Variants in COL5A2 observed in about 807,000 individuals in gnomAD.
The protein encoded by COL5A2 is collagen alpha-2(V) chain.
COL5A2 carries 23 observed loss-of-function variants against 208.2 expected under a neutral mutation model. The ratio of observed to expected loss-of-function variants is 0.11; its 90% confidence interval spans 0.08 to 0.16. The LOEUF (loss-of-function observed/expected upper bound fraction) is 0.16. Among genes scored for constraint, COL5A2 ranks in the 10% least tolerant of loss-of-function variants. The pLI is 1.00. For missense variants in COL5A2, 1,590 were observed against 1,956.4 expected (o/e 0.81, Z 3.53); for synonymous variants, 625 against 628.5 (o/e 0.99, Z 0.08).
the COL5A2 span, among the ~76,000 whole-genome samples, chr2:189,411,694 C>A: frequency 2.6e-5 from 4 of 152,050 alleles, no homozygotes; most frequent in Admixed American, 2.6e-4. Flanking sequence ...AATAGAAGTT[C>A]TGAGTTATTA....
At chr2:189,346,041 A>G in the COL5A2 span, among the ~76,000 whole-genome samples, 20 of 152,346 alleles carry the variant, frequency 1.3e-4, no homozygotes, top group Admixed American at 3.9e-4. Flanking sequence ...TCAGCATAGT[A>G]CATTAATATA....
At chr2:189,418,578 G>A in the COL5A2 span, among the ~76,000 whole-genome samples, 16 of 152,162 alleles carry the variant, frequency 1.1e-4, no homozygotes, top group East Asian at 1.2e-3. Context: ...ACATGGACAC[G>A]AAGTCCATTT....
chr2:189,051,305 A>G lies in COL5A2; in HGVS notation c.2931+15T>C, dbSNP rs1685781373. 6.2e-7 allele frequency: 1 copy of G among 1,614,016 alleles called. No homozygotes were observed. The highest frequency in any genetic ancestry group is 8.5e-7 in the Non-Finnish European group (1 of 1,179,952). ...CTCAGTTGAAGGTGGTCTGGAACGG[A>G]TACGCCAAACTTACAGGTTGCCCAT... is the stretch of plus-strand genomic sequence containing the variant. On this transcript the variant is annotated intron_variant, in intron 42 of 53. Transcript: ENST00000374866.
At chr2:189,376,025 A>G in the COL5A2 span, among the ~76,000 whole-genome samples, 1 of 152,250 alleles carries the variant, frequency 6.6e-6, no homozygotes, top group Non-Finnish European at 1.5e-5. Flanking sequence ...ATGTTAATGT[A>G]GCTTTTCCAC....
chr2:189,261,923 A>G, the COL5A2 span, among the ~76,000 whole-genome samples: 1 of 152,156 alleles, frequency 6.6e-6, no homozygotes, highest in Non-Finnish European at 1.5e-5. Flanking sequence ...GAAAGTTTAA[A>G]TTTCTCAAAT....
At chr2:189,124,635 ACTT>A (rs1687573938) in intron 1 of COL5A2, among the ~76,000 whole-genome samples, 1 of 151,936 alleles carries the variant, frequency 6.6e-6, no homozygotes, top group Non-Finnish European at 1.5e-5. Context: ...AAAACTATCA[ACTT>A]CTGCTTTTTA....
chr2:189,232,794 A>G, the COL5A2 span, among the ~76,000 whole-genome samples: 1 of 151,718 alleles, frequency 6.6e-6, no homozygotes, highest in East Asian at 1.9e-4. Context: ...ACAGAAGAAG[A>G]TGGCCAGCTA....
intron 1 of COL5A2, among the ~76,000 whole-genome samples, chr2:189,214,816 T>G (rs1689258638): frequency 1.3e-5 from 2 of 152,164 alleles, no homozygotes; most frequent in African/African-American, 4.8e-5. Context: ...AAAAGGTACT[T>G]GTTTTCTTCC....
chr2:189,427,867 G>C, the COL5A2 span, among the ~76,000 whole-genome samples: 1 of 152,200 alleles, frequency 6.6e-6, no homozygotes, highest in Admixed American at 6.5e-5. Context: ...CTGCCCTGCT[G>C]AGTTTCAGAC....
At chr2:189,071,929 C>T in intron 18 of COL5A2, 111 bp downstream of exon 18, 2 of 718,412 alleles carry the variant, frequency 2.8e-6, no homozygotes, top group Non-Finnish European at 4.8e-6. Context: ...AGGCTCTTTC[C>T]TTAGTTAAAA....
At chr2:189,266,205 A>G in the COL5A2 span, among the ~76,000 whole-genome samples, 7 of 152,114 alleles carry the variant, frequency 4.6e-5, no homozygotes, top group Non-Finnish European at 7.4e-5. Flanking sequence ...AGATGGGCTG[A>G]TCATGAGGTC....
At chr2:189,398,969 T>C in the COL5A2 span, among the ~76,000 whole-genome samples, 1 of 152,208 alleles carries the variant, frequency 6.6e-6, no homozygotes, top group African/African-American at 2.4e-5. Flanking sequence ...AATAGAACCA[T>C]AGAATAATTG....
chr2:189,323,810 G>A, the COL5A2 span, among the ~76,000 whole-genome samples: 1 of 152,012 alleles, frequency 6.6e-6, no homozygotes, highest in African/African-American at 2.4e-5. Flanking sequence ...TCACAGAATT[G>A]GAAAAAACTA....
the COL5A2 span, among the ~76,000 whole-genome samples, chr2:189,422,660 G>A: frequency 4.6e-5 from 7 of 152,168 alleles, no homozygotes; most frequent in Non-Finnish European, 1.0e-4. Flanking sequence ...CAGTAAGATT[G>A]AAATCACATT....
the COL5A2 span, among the ~76,000 whole-genome samples, chr2:189,421,011 G>A: frequency 3.3e-5 from 5 of 152,002 alleles, no homozygotes; most frequent in African/African-American, 4.8e-5. Context: ...AATACTAAAG[G>A]AAACAGTAGA....
At chr2:189,435,119 C>G in the COL5A2 span, among the ~76,000 whole-genome samples, 1 of 152,090 alleles carries the variant, frequency 6.6e-6, no homozygotes, top group Admixed American at 6.5e-5. Context: ...AACTGGCTAG[C>G]CATATGTAGA....
At chr2:189,334,872 A>C in the COL5A2 span, among the ~76,000 whole-genome samples, 1 of 152,170 alleles carries the variant, frequency 6.6e-6, no homozygotes, top group African/African-American at 2.4e-5. Flanking sequence ...TGACATAACA[A>C]TATATATACC....
chr2:189,065,815 C>T (rs865947661), intron 23 of COL5A2, among the ~76,000 whole-genome samples: 7 of 152,306 alleles, frequency 4.6e-5, no homozygotes, highest in Middle Eastern at 3.4e-3. Context: ...CCTTTCTGCC[C>T]TCCCAGCTTT....
At chr2:189,267,433 T>A in the COL5A2 span, among the ~76,000 whole-genome samples, 4 of 152,142 alleles carry the variant, frequency 2.6e-5, no homozygotes, top group Non-Finnish European at 5.9e-5. Flanking sequence ...AAAACATTCA[T>A]CTTGCAAAAA....
Sources: allele counts gnomAD v4.1 joint callset (sites outside exome capture counted in the v4.1 genomes callset), GRCh38; gene constraint gnomAD v4.1.1; transcripts MANE v1.5; gene names NCBI Gene and HGNC (gene_info 2026-07-23, HGNC 2026-07-21).